MEGF9: variants seen among roughly 807,000 people sequenced by gnomAD.
MEGF9 encodes the protein multiple EGF like domains 9.
In MEGF9, 6 loss-of-function variants were observed where a neutral mutation model predicts 46.8. The ratio of observed to expected loss-of-function variants is 0.13; its 90% CI spans 0.07 to 0.25. The LOEUF is 0.25. MEGF9 is among the 10% of genes least tolerant of loss of function. The pLI is 1.00. For missense variants in MEGF9, 683 were observed against 792.4 expected (o/e 0.86, Z 1.66); for synonymous variants, 302 against 330.7 (o/e 0.91, Z 0.94).
chr9:120,664,298 G>A (rs997926026), intron 1 of MEGF9, among the ~76,000 whole-genome samples: 1 of 152,094 alleles, frequency 6.6e-6, no homozygotes, highest in African/African-American at 2.4e-5. Context: ...CATTAATGAT[G>A]GGAGTTTTTG....
intron 1 of MEGF9, among the ~76,000 whole-genome samples, chr9:120,698,334 CT>C (rs1213849490): frequency 1.3e-5 from 2 of 152,190 alleles, no homozygotes; most frequent in Admixed American, 1.3e-4. Flanking sequence ...GGATTTCCAT[CT>C]TTGCATTTGC....
chr9:120,702,460 T>C (rs1428469982), intron 1 of MEGF9, among the ~76,000 whole-genome samples: 1 of 152,188 alleles, frequency 6.6e-6, no homozygotes, highest in Non-Finnish European at 1.5e-5. Flanking sequence ...ACGAAAAAAC[T>C]TTAAAAATTC....
At chr9:120,701,227 A>C (rs1430752378) in intron 1 of MEGF9, among the ~76,000 whole-genome samples, 1 of 152,128 alleles carries the variant, frequency 6.6e-6, no homozygotes, top group Non-Finnish European at 1.5e-5. Flanking sequence ...CTTTTTGCTC[A>C]CATGTATCAA....
intron 1 of MEGF9, among the ~76,000 whole-genome samples, chr9:120,668,842 A>G (rs2043736659): frequency 6.6e-6 from 1 of 152,192 alleles, no homozygotes; most frequent in African/African-American, 2.4e-5. Flanking sequence ...AAATCATACA[A>G]CTAATCAGTA....
rs1045856853 is a variant in MEGF9, at chr9:120,677,324, G to A, written c.602-17749C>T. Among the ~76,000 whole-genome samples, 10 of 152,102 alleles carry A rather than the reference G, an allele frequency of 6.6e-5. No homozygotes were observed. The South Asian group carries it at 1.0e-3, about 16-fold the overall frequency. On this transcript the variant is annotated intron_variant, in intron 1 of 5. Transcript: ENST00000373930. The stretch of plus-strand genomic sequence containing the variant: ...AAAAAAAAATTTTTTTTATAGAGAT[G>A]GGGTATCATCATGTTGCCCAGGCTG...
rs970249382 is a variant in MEGF9 at position 120,609,337 on chromosome 9, T to C, written c.1088-1327A>G. Among the ~76,000 whole-genome samples, 5 of 152,198 alleles carry C rather than the reference T, an allele frequency of 3.3e-5. 1 individual carries two copies. The highest frequency in any genetic ancestry group is 2.6e-4 in the Admixed American group (4 of 15,276). The stretch of plus-strand genomic sequence containing the variant: ...TAGTTCAGTTAGCAAATTCAATCTG[T>C]AGGAATTAACTCAGGTATTACTTCT... On this transcript the variant is annotated intron_variant, in intron 4 of 5. Coordinates refer to ENST00000373930, the MANE Select transcript of MEGF9 (RefSeq NM_001080497.3).
At chr9:120,627,685 A>G (rs1483531144) in intron 2 of MEGF9, among the ~76,000 whole-genome samples, 1 of 152,004 alleles carries the variant, frequency 6.6e-6, no homozygotes, top group Non-Finnish European at 1.5e-5. Context: ...CTGGTCTCGA[A>G]CTCCTGACCT....
In MEGF9 at chr9:120,659,384, G is replaced by A. The variant is rs1564422398; in HGVS notation, c.793C>T (p.Pro265Ser). ...CCCTCTGTTGCTTACCTGTTGCACG[G>A]TATGCTGAGAGCTCCATGTGGACTA... is the stretch of plus-strand genomic sequence containing the variant. ...DCSPHGALSIPCNSSGKCQCK... is the reference protein window; with the variant it reads ...DCSPHGALSISCNSSGKCQCK... The change falls in exon 2 of 6, where the codon CCG becomes TCG. Residue 265 changes from proline to serine, a missense_variant. Physicochemically the swap from Pro to Ser is moderately conservative, Grantham distance 74 (BLOSUM62 -1). Around this residue, in one of 2 missense-constraint regions of MEGF9, gnomAD observed 313 missense variants for 421.1 expected, o/e 0.74. Coordinates refer to ENST00000373930, the MANE Select transcript of MEGF9 (RefSeq NM_001080497.3). 2 of 1,613,536 alleles carry A rather than the reference G, an allele frequency of 1.2e-6. No homozygotes were observed. The highest frequency in any genetic ancestry group is 1.7e-6 in the Non-Finnish European group (2 of 1,179,724).
chr9:120,688,157 ACACACACACACACG>A lies in MEGF9; in HGVS notation c.601+25587_601+25600del, dbSNP rs1311368232. Among the ~76,000 whole-genome samples the A allele has an allele frequency of 9.4e-4, 142 of 151,192 alleles. 1 individual carries two copies. The highest frequency in any genetic ancestry group is 3.2e-3 in the African/African-American group (132 of 40,784). ...CACACACACACACACACACACACAC[ACACACACACACACG>A]CACGCACACACAACTTCTCTTAGGG... is the stretch of plus-strand genomic sequence containing the variant. On this transcript the variant is annotated intron_variant, in intron 1 of 5. Transcript: ENST00000373930.
At chr9:120,638,528 T>C (rs527976095) in intron 2 of MEGF9, among the ~76,000 whole-genome samples, 2 of 152,176 alleles carry the variant, frequency 1.3e-5, no homozygotes, top group African/African-American at 4.8e-5. Flanking sequence ...GGGGGTAGAG[T>C]AGTCAGTAGG....
intron 3 of MEGF9, among the ~76,000 whole-genome samples, chr9:120,615,287 GCA>G (rs1306984296): frequency 1.5e-5 from 2 of 137,474 alleles, no homozygotes; most frequent in African/African-American, 6.4e-5. Flanking sequence ...GTGTGTGTGT[GCA>G]TGTGTGTGTA....
chr9:120,637,878 A>C (rs1358765423), intron 2 of MEGF9, among the ~76,000 whole-genome samples: 4 of 151,552 alleles, frequency 2.6e-5, no homozygotes, highest in African/African-American at 9.7e-5. Flanking sequence ...GAAAATGTAG[A>C]GACAAAATAT....
intron 2 of MEGF9, among the ~76,000 whole-genome samples, chr9:120,626,723 C>T (rs1199934035): frequency 1.3e-5 from 2 of 152,082 alleles, no homozygotes; most frequent in Admixed American, 6.6e-5. Flanking sequence ...AAAACCAGCC[C>T]GAGGAAACAG....
chr9:120,610,784 T>C (rs534034031), intron 4 of MEGF9, among the ~76,000 whole-genome samples: 3 of 152,138 alleles, frequency 2.0e-5, no homozygotes, highest in African/African-American at 4.8e-5. Context: ...ACATTTGAAT[T>C]GGGCCTTGCT....
In MEGF9 at chr9:120,603,354, T is replaced by A. The variant is rs1447459645; in HGVS notation, c.*1836A>T. ...ACTAAATAATTTTCATATAATGTAATATAATGTAACCTCTATTCTTCTGAG... is the reference window on the plus strand; with the variant it reads ...ACTAAATAATTTTCATATAATGTAAAATAATGTAACCTCTATTCTTCTGAG... On this transcript the variant is annotated 3_prime_UTR_variant, in exon 6 of 6. Coordinates refer to ENST00000373930, the MANE Select transcript of MEGF9 (RefSeq NM_001080497.3). 1 of 152,212 alleles carries A rather than the reference T, an allele frequency of 6.6e-6. No individual in the cohort carries two copies. The allele number at this position is 152,212 out of a possible 1,614,324, so 9.4% of individuals were successfully genotyped here.
chr9:120,619,220 G>A (rs1340425434), intron 3 of MEGF9, among the ~76,000 whole-genome samples: 14 of 151,902 alleles, frequency 9.2e-5, no homozygotes, highest in African/African-American at 1.5e-4. Flanking sequence ...GGTGGTGGGC[G>A]CCTGTAATCC....
rs899968606 is a variant in MEGF9 at position 120,618,891 on chromosome 9, C to T, written c.943+3725G>A. Among the ~76,000 whole-genome samples, 24 of 146,972 alleles carry T rather than the reference C, an allele frequency of 1.6e-4. No individual in the cohort carries two copies. In the South Asian group the frequency reaches 1.7e-3, roughly 11 times the overall value. ...TCCAGCCTGGTGACAGAGCAAGACT[C>T]GGTCTCAAAAAAAAAAAAAAGATTT... On this transcript the variant is annotated intron_variant, in intron 3 of 5. Coordinates refer to ENST00000373930, the MANE Select transcript of MEGF9 (RefSeq NM_001080497.3).
chr9:120,621,694 T>C (rs915831359), intron 3 of MEGF9, among the ~76,000 whole-genome samples: 4 of 152,196 alleles, frequency 2.6e-5, no homozygotes, highest in African/African-American at 4.8e-5. Context: ...TGGTCACATT[T>C]TTCTGTCTTT....
At chr9:120,637,790 CAAA>C (rs34861368) in intron 2 of MEGF9, among the ~76,000 whole-genome samples, 1 of 34,776 alleles carries the variant, frequency 2.9e-5, no homozygotes, top group African/African-American at 1.1e-4. Flanking sequence ...GACTCTGTCT[CAAA>C]AAAAAAAAAA....
Sources: allele counts gnomAD v4.1 joint callset (sites outside exome capture counted in the v4.1 genomes callset), GRCh38; gene constraint gnomAD v4.1.1; regional missense constraint gnomAD v4.1.1; transcripts MANE v1.5; gene names NCBI Gene and HGNC (gene_info 2026-07-23, HGNC 2026-07-21).